Variants in MORN4 observed in about 807,000 individuals in gnomAD.
The protein encoded by MORN4 is MORN repeat-containing protein 4.
Under a neutral mutation model 16.4 loss-of-function variants are expected in MORN4, and 8 were observed. The observed-to-expected ratio is 0.49, with a 90% CI of 0.29 to 0.88. MORN4 has a LOEUF of 0.88. Ranked by LOEUF, MORN4 falls within the 40% of genes least tolerant of loss-of-function variation. The pLI, the probability that MORN4 is intolerant of heterozygous loss-of-function variation, is 0.09. For missense variants in MORN4, 159 were observed against 182.9 expected, an observed-to-expected ratio of 0.87 and a Z score of 0.75; for synonymous variants, 53 against 68.9, an observed-to-expected ratio of 0.77 and a Z score of 1.14.
intron 2 of MORN4, among the ~76,000 whole-genome samples, chr10:97,618,929 C>T (rs555613683): frequency 3.4e-4 from 52 of 152,116 alleles, no homozygotes; most frequent in African/African-American, 1.2e-3. Context: ...CTCCTTGCCT[C>T]AATTTCCCCA....
Position 97,615,987 on chromosome 10 carries a change from G to A in MORN4, c.*276C>T. On this transcript the variant is annotated 3_prime_UTR_variant, in exon 5 of 5. Transcript: ENST00000307450. ...GGTAACCTGAGGTCTTAGGAACAGAGTATCAACCAGTGAGAAGAGGTGGCT... is the reference window on the plus strand; with the variant it reads ...GGTAACCTGAGGTCTTAGGAACAGAATATCAACCAGTGAGAAGAGGTGGCT... 3.6e-6 allele frequency: 1 copy of A among 281,660 alleles called. No homozygotes were observed. Among genetic ancestry groups the A allele is most frequent in the Non-Finnish European group, 6.6e-6 (1 of 151,338 alleles). 17.4% of individuals were successfully genotyped at this position (281,660 alleles called of 1,614,324 possible). A position where few individuals can be genotyped will look rare whatever the true frequency, so the allele number is the denominator to read the frequency against.
chr10:97,633,598 G>C (rs1382448605), upstream of MORN4: 1 of 1,289,200 alleles, frequency 7.8e-7, no homozygotes, highest in Non-Finnish European at 1.0e-6. This position sits in a 1 kb window ranked among gnomAD's most constrained non-coding sequence, Gnocchi z 4.5. Context: ...CTTTGTGCGG[G>C]GCCGAGTGTT....
chr10:97,622,419 C>T (rs944821720), intron 1 of MORN4, among the ~76,000 whole-genome samples: 3 of 152,134 alleles, frequency 2.0e-5, no homozygotes, highest in Admixed American at 2.0e-4. Flanking sequence ...TGCACGGTGG[C>T]TCAAACCTAC....
At chr10:97,630,181 C>T (rs1326577380) in intron 1 of MORN4, among the ~76,000 whole-genome samples, 1 of 152,146 alleles carries the variant, frequency 6.6e-6, no homozygotes, top group African/African-American at 2.4e-5. Context: ...CCTGCCTCAG[C>T]CTCCCGAAGT....
At chr10:97,633,949 A>T (rs2041420002), upstream of MORN4, among the ~76,000 whole-genome samples, 1 of 152,206 alleles carries the variant, frequency 6.6e-6, no homozygotes, top group African/African-American at 2.4e-5. The surrounding 1 kb of genome is among the most constrained non-coding windows in gnomAD (Gnocchi z 4.5). Context: ...CATTCATTAT[A>T]GGAATTTGTG....
intron 4 of MORN4, 100 bp from the exon 5 acceptor site, chr10:97,616,511 A>G: frequency 7.2e-7 from 1 of 1,393,152 alleles, no homozygotes; most frequent in East Asian, 2.3e-5. Flanking sequence ...AAAGAAGAGA[A>G]AAACTCCCAG....
chr10:97,624,584 A>G (rs977596807), intron 1 of MORN4, among the ~76,000 whole-genome samples: 1 of 152,112 alleles, frequency 6.6e-6, no homozygotes, highest in African/African-American at 2.4e-5. Flanking sequence ...ACACCCAGCT[A>G]CTTTTCAAAT....
At chr10:97,626,391 TAATAATCATAATC>T (rs2041346947) in intron 1 of MORN4, among the ~76,000 whole-genome samples, 2 of 84,478 alleles carry the variant, frequency 2.4e-5, no homozygotes, top group African/African-American at 1.6e-4. Flanking sequence ...ATAATAATAA[TAATAATCATAATC>T]ATAATCATAA....
chr10:97,626,386 AATAATAATAATCATAATC>A (rs1023287987), intron 1 of MORN4, among the ~76,000 whole-genome samples: 12 of 44,944 alleles, frequency 2.7e-4, no homozygotes, highest in South Asian at 1.2e-3. Context: ...CAAAAATAAT[AATAATAATAATCATAATC>A]ATAATCATAA....
At chr10:97,629,290 G>C (rs185397480) in intron 1 of MORN4, among the ~76,000 whole-genome samples, 267 of 152,334 alleles carry the variant, frequency 1.8e-3, no homozygotes, top group African/African-American at 6.3e-3. Context: ...GGGAGGCTGA[G>C]GCAGGAGAAT....
intron 2 of MORN4, chr10:97,619,353 A>AACAAT (rs1205666035): frequency 5.0e-5 from 29 of 583,318 alleles, no homozygotes; most frequent in African/African-American, 4.7e-4. Flanking sequence ...AACAAAACAA[A>AACAAT]AACAGAAGCA....
chr10:97,623,627 T>TG (rs1213473366), intron 1 of MORN4, among the ~76,000 whole-genome samples: 1 of 152,142 alleles, frequency 6.6e-6, no homozygotes, highest in African/African-American at 2.4e-5. Context: ...AGGCTGGACT[T>TG]GAACTCCTAG....
chr10:97,620,918 C>T (rs983584843), intron 1 of MORN4, among the ~76,000 whole-genome samples: 1 of 151,988 alleles, frequency 6.6e-6, no homozygotes, highest in Non-Finnish European at 1.5e-5. Context: ...GTCAGGAGTT[C>T]GAGACCAGCT....
intron 1 of MORN4, among the ~76,000 whole-genome samples, chr10:97,621,468 T>C (rs1057049642): frequency 6.6e-6 from 1 of 152,222 alleles, no homozygotes; most frequent in Admixed American, 6.5e-5. Flanking sequence ...AGCAAGTCCA[T>C]AGTCAGAAAA....
At chr10:97,631,688 C>T (rs749127461) in intron 1 of MORN4, among the ~76,000 whole-genome samples, 32 of 151,372 alleles carry the variant, frequency 2.1e-4, no homozygotes, top group Non-Finnish European at 4.1e-4. Context: ...AATCCCAGCA[C>T]GTTGGGAGGC....
At chr10:97,624,585 C>T (rs1021831515) in intron 1 of MORN4, among the ~76,000 whole-genome samples, 2 of 152,162 alleles carry the variant, frequency 1.3e-5, no homozygotes, top group African/African-American at 4.8e-5. Context: ...CACCCAGCTA[C>T]TTTTCAAATT....
intron 1 of MORN4, among the ~76,000 whole-genome samples, chr10:97,624,035 C>T (rs994349002): frequency 1.3e-5 from 2 of 151,974 alleles, no homozygotes; most frequent in African/African-American, 4.8e-5. Flanking sequence ...CGTGCCTGGC[C>T]GCAAGATGGG....
At chr10:97,619,315 C>T (rs2041267421) in intron 2 of MORN4, 6 of 564,954 alleles carry the variant, frequency 1.1e-5, no homozygotes, top group Admixed American at 3.1e-5. Flanking sequence ...ACATAGTGAG[C>T]GAGACCTCAT....
intron 1 of MORN4, among the ~76,000 whole-genome samples, chr10:97,623,004 T>C (rs2041317070): frequency 6.6e-6 from 1 of 151,792 alleles, no homozygotes; most frequent in South Asian, 2.1e-4. Flanking sequence ...GTCACCTCAG[T>C]CTCCTGAGTA....
Sources: gnomAD v4.1 joint callset for allele counts (sites outside exome capture counted in the v4.1 genomes callset) on GRCh38, gnomAD v4.1.1 for gene constraint, Gnocchi (gnomAD v3.1) non-coding constraint, MANE v1.5 for transcripts, NCBI Gene and HGNC (gene_info 2026-07-23, HGNC 2026-07-21) for gene names.